The following SND1 variants were observed in gnomAD, a reference collection of about 807,000 sequenced individuals.
SND1 encodes staphylococcal nuclease and tudor domain containing 1.
SND1 carries 38 observed loss-of-function variants against 121.7 expected under a neutral mutation model. The ratio of observed to expected loss-of-function variants is 0.31; its 90% confidence interval spans 0.24 to 0.41. The LOEUF (loss-of-function observed/expected upper bound fraction) is 0.41, where lower values mean the gene tolerates loss of function less well. Among genes scored for constraint, SND1 ranks in the 10% least tolerant of loss-of-function variants. The pLI, the probability that SND1 is intolerant of heterozygous loss-of-function variation, is 1.00. For synonymous variants in SND1, 401 were observed against 447.4 expected (o/e 0.90, Z 1.31); for missense variants, 868 against 1,184.6 (o/e 0.73, Z 3.92).
chr7:127,942,980 G>T (rs935456999), intron 15 of SND1, among the ~76,000 whole-genome samples: 3 of 152,108 alleles, frequency 2.0e-5, no homozygotes, highest in Non-Finnish European at 4.4e-5. Flanking sequence ...CTCTTACGTG[G>T]ATCCATTTCA....
At chr7:127,729,722 C>G (rs144391978) in intron 10 of SND1, among the ~76,000 whole-genome samples, 28 of 152,134 alleles carry the variant, frequency 1.8e-4, no homozygotes, top group African/African-American at 6.3e-4. Flanking sequence ...GTGTTGTGGT[C>G]GGTCACCAGG....
At chr7:127,841,639 G>T (rs1364283459) in intron 11 of SND1, among the ~76,000 whole-genome samples, 1 of 152,118 alleles carries the variant, frequency 6.6e-6, no homozygotes, top group South Asian at 2.1e-4. Flanking sequence ...TCCCTTCCCT[G>T]GTTCTGAGTT....
At chr7:127,767,660 A>G (rs1473690724) in intron 10 of SND1, among the ~76,000 whole-genome samples, 1 of 152,194 alleles carries the variant, frequency 6.6e-6, no homozygotes, top group Non-Finnish European at 1.5e-5. Flanking sequence ...CAAATCTATT[A>G]ATTCTCTTCA....
At chr7:128,038,688 G>GTT (rs538660678) in intron 16 of SND1, among the ~76,000 whole-genome samples, 30,372 of 146,106 alleles carry the variant, frequency 0.21, 3,502 homozygotes, top group Middle Eastern at 0.28. Flanking sequence ...ACTGGGTTGG[G>GTT]TTTTTTTTTT....
chr7:128,067,829 A>G (rs1793342771), intron 16 of SND1, among the ~76,000 whole-genome samples: 2 of 151,812 alleles, frequency 1.3e-5, no homozygotes, highest in South Asian at 4.2e-4. Flanking sequence ...TCCTCCCCCC[A>G]TTGCTAGTAA....
intron 16 of SND1, among the ~76,000 whole-genome samples, chr7:128,007,203 A>G (rs940686806): frequency 2.6e-5 from 4 of 152,164 alleles, no homozygotes; most frequent in Admixed American, 2.0e-4. Context: ...CAATTCCATC[A>G]TCTTCCTCAG....
intron 1 of SND1, among the ~76,000 whole-genome samples, chr7:127,663,624 C>T (rs950958992): frequency 6.6e-6 from 1 of 152,194 alleles, no homozygotes; most frequent in Non-Finnish European, 1.5e-5. Flanking sequence ...GATCCGCCTA[C>T]CTCGGCCTCC....
At chr7:127,885,277 A>G (rs1418641658) in intron 12 of SND1, among the ~76,000 whole-genome samples, 2 of 152,162 alleles carry the variant, frequency 1.3e-5, no homozygotes, top group African/African-American at 4.8e-5. Context: ...CCCACCAAGA[A>G]GAGAACACAT....
intron 10 of SND1, among the ~76,000 whole-genome samples, chr7:127,742,409 C>G (rs1796897648): frequency 6.6e-6 from 1 of 152,156 alleles, no homozygotes; most frequent in Non-Finnish European, 1.5e-5. Context: ...TCTGAAGAGG[C>G]CGGAAACCTC....
chr7:127,986,224 T>C (rs1802387159), intron 15 of SND1, among the ~76,000 whole-genome samples: 1 of 152,248 alleles, frequency 6.6e-6, no homozygotes, highest in African/African-American at 2.4e-5. Flanking sequence ...TGTGTACTTC[T>C]TGTTCCAAAG....
intron 16 of SND1, among the ~76,000 whole-genome samples, chr7:128,034,829 C>G (rs975778535): frequency 3.9e-5 from 6 of 152,238 alleles, no homozygotes; most frequent in Non-Finnish European, 8.8e-5. Context: ...GCACACAGCC[C>G]TTCTGAGCTG....
intron 10 of SND1, among the ~76,000 whole-genome samples, chr7:127,734,661 T>C (rs1796741562): frequency 6.6e-6 from 1 of 152,190 alleles, no homozygotes; most frequent in South Asian, 2.1e-4. Flanking sequence ...AAGCACCTTC[T>C]GAACTGTGAC....
At chr7:127,774,702 T>C (rs923079729) in intron 10 of SND1, among the ~76,000 whole-genome samples, 1 of 152,090 alleles carries the variant, frequency 6.6e-6, no homozygotes, top group African/African-American at 2.4e-5. Context: ...TCTCAGCCTC[T>C]TGAGAAGCTA....
chr7:128,064,622 T>A (rs1012290173), intron 16 of SND1, among the ~76,000 whole-genome samples: 10 of 152,108 alleles, frequency 6.6e-5, no homozygotes, highest in Admixed American at 3.9e-4. Context: ...ATTCACCTGG[T>A]GGAGCTGAAT....
chr7:127,652,556 C>T (rs1464376444), intron 1 of SND1, 105 bp downstream of exon 1: 5 of 923,588 alleles, frequency 5.4e-6, no homozygotes, highest in Non-Finnish European at 6.5e-6. Flanking sequence ...ATCCCCTTTC[C>T]TCTGCCCCCT....
At chr7:127,944,409 C>T (rs912912315) in intron 15 of SND1, among the ~76,000 whole-genome samples, 1 of 152,310 alleles carries the variant, frequency 6.6e-6, no homozygotes, top group Non-Finnish European at 1.5e-5. Flanking sequence ...TGCAAAGGGA[C>T]TCTGTATGCT....
intron 20 of SND1, among the ~76,000 whole-genome samples, chr7:128,086,031 GT>G (rs1793682595): frequency 6.6e-6 from 1 of 152,228 alleles, no homozygotes; most frequent in Non-Finnish European, 1.5e-5. Flanking sequence ...CACACCCACA[GT>G]TCCTCTTCTG....
chr7:127,811,418 G>A (rs1350909851), intron 11 of SND1, among the ~76,000 whole-genome samples: 1 of 152,118 alleles, frequency 6.6e-6, no homozygotes, highest in South Asian at 2.1e-4. Context: ...TTGATCTTCT[G>A]GTGGACATCT....
At chr7:127,944,461 GCT>G (rs1262494701) in intron 15 of SND1, among the ~76,000 whole-genome samples, 1 of 152,188 alleles carries the variant, frequency 6.6e-6, no homozygotes, top group Non-Finnish European at 1.5e-5. Context: ...TGTGGCGCCT[GCT>G]CAATGGCCCC....
Sources: gnomAD v4.1 joint callset for allele counts (sites outside exome capture counted in the v4.1 genomes callset) on GRCh38, gnomAD v4.1.1 for gene constraint, MANE v1.5 for transcripts, NCBI Gene and HGNC (gene_info 2026-07-23, HGNC 2026-07-21) for gene names.